The following RGS9 variants were observed in gnomAD, a reference collection of about 807,000 sequenced individuals.
RGS9 encodes regulator of G protein signaling 9.
A neutral mutation model predicts 102.0 loss-of-function variants in RGS9; 78 were observed. The ratio of observed to expected loss-of-function variants is 0.76; its 90% CI spans 0.64 to 0.92. The LOEUF (loss-of-function observed/expected upper bound fraction) is 0.92. Among genes scored for constraint, RGS9 ranks in the 40% least tolerant of loss-of-function variants. The pLI is 0.00. For synonymous variants in RGS9, 353 were observed against 318.6 expected (o/e 1.11, Z -1.15); for missense variants, 833 against 866.1 (o/e 0.96, Z 0.48).
chr17:65,192,788 C>T (rs951583686), intron 11 of RGS9, among the ~76,000 whole-genome samples: 2 of 152,002 alleles, frequency 1.3e-5, no homozygotes, highest in African/African-American at 4.8e-5. Context: ...AAATAATGGG[C>T]CTAAGTTTCC....
intron 17 of RGS9, among the ~76,000 whole-genome samples, chr17:65,213,856 A>G (rs938566421): frequency 3.9e-5 from 6 of 152,246 alleles, no homozygotes; most frequent in Non-Finnish European, 8.8e-5. Flanking sequence ...TATTAAATGA[A>G]TGAGGACATG....
At chr17:65,174,676 G>A (rs1212409394) in intron 8 of RGS9, among the ~76,000 whole-genome samples, 1 of 151,884 alleles carries the variant, frequency 6.6e-6, no homozygotes, top group Non-Finnish European at 1.5e-5. Flanking sequence ...TTATGTGTGA[G>A]CATGCATATG....
chr17:65,225,944 A>G (rs1012618560), intron 18 of RGS9, among the ~76,000 whole-genome samples: 16 of 152,104 alleles, frequency 1.1e-4, no homozygotes, highest in African/African-American at 3.6e-4. Flanking sequence ...CCCTAAGGAA[A>G]CCTTCCCACC....
At position 65,145,550 on chromosome 17, in the gene RGS9, A is replaced by ACT. The variant is rs1567857998; in HGVS notation, c.58-7872_58-7871insCT. 3.3e-4 allele frequency among the ~76,000 whole-genome samples: 36 copies of ACT among 108,038 alleles called. No homozygotes were observed. In the South Asian group the frequency reaches 0.01, roughly 30 times the overall value. 70.9% of individuals were successfully genotyped at this position (108,038 alleles called of 152,430 possible). ...TTGTAGCCTGCCACCACTCCTGGCT[A>ACT]TTTTTTTTTTTTTTAATATATTTTT... On this transcript the variant is annotated intron_variant, in intron 1 of 18. Coordinates refer to ENST00000262406, the MANE Select transcript of RGS9 (RefSeq NM_003835.4).
chr17:65,188,578 C>G (rs1912227252), intron 9 of RGS9: 1 of 152,502 alleles, frequency 6.6e-6, no homozygotes, highest in Non-Finnish European at 1.5e-5. Flanking sequence ...CACCCAAGCT[C>G]TGTGCTAGTT....
At chr17:65,196,259 C>T (rs1374550421) in intron 12 of RGS9, among the ~76,000 whole-genome samples, 1 of 152,198 alleles carries the variant, frequency 6.6e-6, no homozygotes, top group East Asian at 1.9e-4. Flanking sequence ...TGTTTGTACA[C>T]TTGTTCTTAT....
At chr17:65,179,635 C>CTGTGTG (rs56275900) in intron 9 of RGS9, among the ~76,000 whole-genome samples, 3,512 of 124,998 alleles carry the variant, frequency 0.028, 72 homozygotes, top group African/African-American at 0.039. Flanking sequence ...TACTGCTCAG[C>CTGTGTG]TGTGTGTGTG....
intron 13 of RGS9, among the ~76,000 whole-genome samples, chr17:65,201,007 T>C (rs1255286340): frequency 6.6e-6 from 1 of 152,168 alleles, no homozygotes; most frequent in Non-Finnish European, 1.5e-5. Context: ...GTCTGCGCCC[T>C]AACCCCTTAA....
At chr17:65,197,595 G>A (rs1912645593) in intron 13 of RGS9, among the ~76,000 whole-genome samples, 1 of 152,130 alleles carries the variant, frequency 6.6e-6, no homozygotes, top group Non-Finnish European at 1.5e-5. Flanking sequence ...CTGGAGGAAG[G>A]GAAGGGAGAC....
intron 12 of RGS9, among the ~76,000 whole-genome samples, chr17:65,195,830 C>T (rs936768202): frequency 6.6e-6 from 1 of 152,196 alleles, no homozygotes; most frequent in African/African-American, 2.4e-5. Flanking sequence ...CACAAACAGC[C>T]AGGATTCTTA....
chr17:65,227,255 C>T lies in RGS9; in HGVS notation c.1893-20C>T, dbSNP rs116397392. 2.7e-3 allele frequency: 4,419 copies of T among 1,614,080 alleles called. 109 individuals are homozygous for T. The African/African-American group carries it at 0.051, about 19-fold the overall frequency. ...CCTGCCCCTGCCCCTACATTACTGG[C>T]TTTCCTCTTGCACCTGAAGCTTTTT... On this transcript the variant is annotated intron_variant, in intron 18 of 18. Coordinates refer to ENST00000262406, the MANE Select transcript of RGS9 (RefSeq NM_003835.4).
At chr17:65,159,823 T>C (rs987746035) in intron 3 of RGS9, among the ~76,000 whole-genome samples, 19 of 152,192 alleles carry the variant, frequency 1.2e-4, no homozygotes, top group African/African-American at 4.3e-4. Context: ...TCCTTGCTCA[T>C]TCTTGGAGTG....
At chr17:65,214,186 T>A (rs909762927) in intron 17 of RGS9, among the ~76,000 whole-genome samples, 7 of 152,194 alleles carry the variant, frequency 4.6e-5, no homozygotes, top group Non-Finnish European at 1.0e-4. Flanking sequence ...TGGTCTTGAT[T>A]TCCTGGGCTC....
chr17:65,217,865 G>T (rs112792528), intron 17 of RGS9, among the ~76,000 whole-genome samples: 45 of 152,314 alleles, frequency 3.0e-4, no homozygotes, highest in African/African-American at 1.0e-3. Flanking sequence ...AAGTGGAAGG[G>T]AAGGAAGCTG....
chr17:65,167,470 G>A (rs1911232247), intron 7 of RGS9, among the ~76,000 whole-genome samples: 1 of 152,120 alleles, frequency 6.6e-6, no homozygotes, highest in African/African-American at 2.4e-5. Flanking sequence ...CCAAAGTGCT[G>A]TGATTACAGG....
chr17:65,211,143 T>C (rs1913279977), intron 17 of RGS9, among the ~76,000 whole-genome samples: 1 of 152,216 alleles, frequency 6.6e-6, no homozygotes, highest in African/African-American at 2.4e-5. Flanking sequence ...AATAGCTTTA[T>C]GAAGCTCCTC....
chr17:65,148,425 A>G (rs188497013), intron 1 of RGS9, among the ~76,000 whole-genome samples: 1 of 152,334 alleles, frequency 6.6e-6, no homozygotes, highest in Admixed American at 6.5e-5. Flanking sequence ...TTTTGGGTAC[A>G]TACCCAGAAG....
At chr17:65,158,257 G>C (rs776636167) in intron 2 of RGS9, 38 bp from the exon 3 acceptor site, 6 of 1,597,824 alleles carry the variant, frequency 3.8e-6, no homozygotes, top group Non-Finnish European at 5.1e-6. Flanking sequence ...TGTGTCAGGA[G>C]GCTATGACAA....
chr17:65,181,071 C>T (rs1911867709), intron 9 of RGS9, among the ~76,000 whole-genome samples: 1 of 152,176 alleles, frequency 6.6e-6, no homozygotes, highest in South Asian at 2.1e-4. Flanking sequence ...AGGTTGATCC[C>T]ATGTCTTTGC....
Sources: gnomAD v4.1 joint callset for allele counts (sites outside exome capture counted in the v4.1 genomes callset) on GRCh38, gnomAD v4.1.1 for gene constraint, MANE v1.5 for transcripts, NCBI Gene and HGNC (gene_info 2026-07-23, HGNC 2026-07-21) for gene names.